The following ASL variants were observed in gnomAD, a reference collection of about 807,000 sequenced individuals.
ASL encodes the protein argininosuccinate lyase.
ASL carries 51 observed loss-of-function variants against 69.1 expected under a neutral mutation model. The observed-to-expected ratio is 0.74, with a 90% CI of 0.59 to 0.93. ASL has a LOEUF of 0.93. Among genes scored for constraint, ASL ranks in the 40% least tolerant of loss-of-function variants. The pLI is 0.00. For missense variants in ASL, 540 were observed against 623.9 expected (o/e 0.87, Z 1.43); for synonymous variants, 241 against 247.6 (o/e 0.97, Z 0.25).
In ASL at chr7:66,092,830, G is replaced by A. The variant is rs1258973382; in HGVS notation, c.1313G>A (p.Gly438Asp). The stretch of plus-strand genomic sequence containing the variant: ...TACGGGCACAGTGTGGAGCAGTATG[G>A]TGCCCTGGGCGGCACTGCGCGCTCC... ...WDYGHSVEQY[G>D]ALGGTARSSV... The change falls in exon 17 of 17, where the codon GGT becomes GAT. Residue 438 changes from glycine (G) to aspartate (D), a missense_variant. Gly to Asp is a moderately conservative substitution (Grantham distance 94). Coordinates refer to ENST00000304874, the MANE Select transcript of ASL (RefSeq NM_000048.4). 2 of 1,613,750 alleles carry A rather than the reference G, an allele frequency of 1.2e-6. No homozygotes were observed. The highest frequency in any genetic ancestry group is 1.7e-6 in the Non-Finnish European group (2 of 1,179,996).
At chr7:66,089,059 A>G (rs753218926) in intron 11 of ASL, 32 bp from the exon 12 acceptor site, 1 of 1,613,076 alleles carries the variant, frequency 6.2e-7, no homozygotes, top group Admixed American at 1.7e-5. Context: ...CCAAGGGTCC[A>G]GCCCCTTCAG....
intron 2 of ASL, among the ~76,000 whole-genome samples, chr7:66,076,460 C>T (rs938111555): frequency 6.6e-6 from 1 of 152,194 alleles, no homozygotes; most frequent in South Asian, 2.1e-4. Context: ...CAGGTCCCAC[C>T]CCACACCACA....
Position 66,081,895 on chromosome 7 carries a change from G to T in ASL, c.105G>T (p.Trp35Cys). ...CCATTGCCTACGACCGGCACCTTTGGGAGGTGGATGTTCAAGGCAGCAAAG... is the reference window on the plus strand; with the variant it reads ...CCATTGCCTACGACCGGCACCTTTGTGAGGTGGATGTTCAAGGCAGCAAAG... ...NASIAYDRHL[W>C]EVDVQGSKAY... The change falls in exon 3 of 17, where the codon TGG (tryptophan) becomes TGT (cysteine). Residue 35 changes from tryptophan (W) to cysteine (C), a missense_variant. Coordinates refer to ENST00000304874, the MANE Select transcript of ASL (RefSeq NM_000048.4). 3 of 1,614,038 alleles carry T rather than the reference G, an allele frequency of 1.9e-6. No individual in the cohort carries two copies. Among genetic ancestry groups the T allele is most frequent in the Non-Finnish European group, 2.5e-6 (3 of 1,180,024 alleles).
intron 8 of ASL, chr7:66,087,122 A>G: frequency 1.5e-6 from 1 of 658,248 alleles, no homozygotes; most frequent in Non-Finnish European, 2.7e-6. Flanking sequence ...GTGCTTGGGG[A>G]CAAGTGTTTT....
At position 66,083,140 on chromosome 7, in the gene ASL, G is replaced by A; in HGVS notation, c.412G>A (p.Glu138Lys). 1 of 1,613,456 alleles carries A rather than the reference G, an allele frequency of 6.2e-7. No homozygotes were observed. Residue 138 changes from glutamate to lysine, a missense_variant, in exon 6 of 17, where the codon GAG becomes AAG. By Grantham distance (56) the Glu-to-Lys change is moderately conservative (BLOSUM62 1). Transcript: ENST00000304874. The stretch of plus-strand genomic sequence containing the variant: ...CTCCACGCTCTCGGGCCTCCTCTGG[G>A]AGCTCATTAGGACCATGGTGGATCG... Reference protein sequence around the residue: ...TCSTLSGLLWELIRTMVDRAE... With the variant: ...TCSTLSGLLWKLIRTMVDRAE...
At chr7:66,076,259 C>G (rs962331198) in intron 2 of ASL, among the ~76,000 whole-genome samples, 166 bp downstream of exon 2, 1 of 152,198 alleles carries the variant, frequency 6.6e-6, no homozygotes, top group Non-Finnish European at 1.5e-5. Flanking sequence ...TCATCTGGAG[C>G]CCAGCAGTCA....
intron 2 of ASL, among the ~76,000 whole-genome samples, chr7:66,080,732 C>T (rs1028750453): frequency 6.6e-5 from 10 of 152,080 alleles, no homozygotes; most frequent in Non-Finnish European, 1.0e-4. Flanking sequence ...TCAAAGAAAA[C>T]GAACAAAACA....
intron 13 of ASL, 128 bp downstream of exon 13, chr7:66,089,463 C>T: frequency 7.0e-7 from 1 of 1,437,456 alleles, no homozygotes; most frequent in South Asian, 1.2e-5. Flanking sequence ...TCCGTGGCTG[C>T]CCTTGAACTC....
intron 6 of ASL, among the ~76,000 whole-genome samples, chr7:66,085,350 C>T (rs1229225729): frequency 6.6e-6 from 1 of 152,062 alleles, no homozygotes; most frequent in African/African-American, 2.4e-5. Context: ...TGATGGTGGG[C>T]ACCTGTAGTC....
At chr7:66,076,847 G>A (rs774138335) in intron 2 of ASL, among the ~76,000 whole-genome samples, 49 of 152,184 alleles carry the variant, frequency 3.2e-4, no homozygotes, top group Non-Finnish European at 3.8e-4. Flanking sequence ...GCTTGATGAA[G>A]GGAACTCCGG....
rs548786563 is a variant in ASL at position 66,089,352 on chromosome 7, G to T, written c.978+17G>T. ...GACTTACAGGTGCGAGGCCGGGGGAGGCCTGGCTAGTACGTGCCAGTTCTC... is the reference window on the plus strand; with the variant it reads ...GACTTACAGGTGCGAGGCCGGGGGATGCCTGGCTAGTACGTGCCAGTTCTC... On this transcript the variant is annotated intron_variant, in intron 13 of 16. Coordinates refer to ENST00000304874, the MANE Select transcript of ASL (RefSeq NM_000048.4). 2 of 1,593,766 alleles carry T rather than the reference G, an allele frequency of 1.3e-6. No homozygotes were observed. Among genetic ancestry groups the T allele is most frequent in the East Asian group, 4.5e-5 (2 of 44,062 alleles).
chr7:66,082,771 G>A (rs747365241), intron 4 of ASL, 109 bp from the exon 5 acceptor site: 94 of 1,346,866 alleles, frequency 7.0e-5, no homozygotes, highest in Non-Finnish European at 8.9e-5. Context: ...AGGACCCGGA[G>A]CCCTGGGGTA....
chr7:66,087,607 A>G, intron 9 of ASL, 122 bp from the exon 10 acceptor site: 5 of 1,069,842 alleles, frequency 4.7e-6, no homozygotes, highest in African/African-American at 1.6e-5. Context: ...GACTGTGCAA[A>G]AGATCCCTCC....
At position 66,081,868 on chromosome 7, in the gene ASL, G is replaced by T. The variant is rs115069006; in HGVS notation, c.78G>T (p.Ala26=). 49 of 1,613,956 alleles carry T rather than the reference G, an allele frequency of 3.0e-5. No homozygotes were observed. Among genetic ancestry groups the T allele is most frequent in the South Asian group, 4.4e-5 (4 of 91,086 alleles). Residue 26 remains alanine (A), a synonymous_variant, in exon 3 of 17, where the codon GCG becomes GCT. Coordinates refer to ENST00000304874, the MANE Select transcript of ASL (RefSeq NM_000048.4). ...ACCCCATCATGGAGAAGTTCAACGCGTCCATTGCCTACGACCGGCACCTTT... is the reference window on the plus strand; with the variant it reads ...ACCCCATCATGGAGAAGTTCAACGCTTCCATTGCCTACGACCGGCACCTTT... ...AVDPIMEKFN[A]SIAYDRHLWE...
Position 66,089,305 on chromosome 7 carries a change from A to T in ASL, c.948A>T (p.Gly316=). Reference sequence around the variant, plus strand: ...CCGGGCTCCTGATGACCCTCAAGGGACTTCCCAGCACCTACAACAAAGACT... The same window carrying T: ...CCGGGCTCCTGATGACCCTCAAGGGTCTTCCCAGCACCTACAACAAAGACT... ...RCAGLLMTLK[G]LPSTYNKDLQ... Residue 316 remains glycine (G), a synonymous_variant, in exon 13 of 17, where the codon GGA becomes GGT. Coordinates refer to ENST00000304874, the MANE Select transcript of ASL (RefSeq NM_000048.4). The T allele has an allele frequency of 1.2e-6, 2 of 1,609,252 alleles. No homozygotes were observed. The highest frequency in any genetic ancestry group is 1.7e-6 in the Non-Finnish European group (2 of 1,177,960).
chr7:66,083,286 G>A (rs1198766117), intron 6 of ASL, 112 bp downstream of exon 6: 2 of 1,179,602 alleles, frequency 1.7e-6, no homozygotes, highest in Admixed American at 4.0e-5. Flanking sequence ...TGGGGGACAG[G>A]GGCATCCCAG....
At chr7:66,089,764 G>T in intron 14 of ASL, 69 bp downstream of exon 14, 1 of 1,550,632 alleles carries the variant, frequency 6.4e-7, no homozygotes, top group South Asian at 1.1e-5. Context: ...CGGGGAGGGT[G>T]GCCTTGGGAG....
At chr7:66,087,883 A>G in intron 10 of ASL, 92 bp downstream of exon 10, 1 of 1,521,098 alleles carries the variant, frequency 6.6e-7, no homozygotes, top group Non-Finnish European at 9.1e-7. Context: ...CTCCACGGAC[A>G]GGCTGGTTGT....
rs769960006 is a variant in ASL at position 66,086,614 on chromosome 7, C to T, written c.476C>T (p.Thr159Ile). The stretch of plus-strand genomic sequence containing the variant: ...CGTGATGTTCTCTTCCCGGGGTACA[C>T]CCATTTGCAGAGGGCCCAGCCCATC... Reference protein sequence around the residue: ...AERDVLFPGYTHLQRAQPIRW... With the variant: ...AERDVLFPGYIHLQRAQPIRW... The change falls in exon 7 of 17, where the codon ACC (threonine) becomes ATC (isoleucine). Residue 159 changes from threonine (T) to isoleucine (I), a missense_variant. Thr to Ile is a moderately conservative substitution (Grantham distance 89). Coordinates refer to ENST00000304874, the MANE Select transcript of ASL (RefSeq NM_000048.4). 1 of 1,613,946 alleles carries T rather than the reference C, an allele frequency of 6.2e-7. No individual in the cohort carries two copies. Among genetic ancestry groups the T allele is most frequent in the East Asian group, 2.2e-5 (1 of 44,876 alleles).
Sources: gnomAD v4.1 joint callset for allele counts (sites outside exome capture counted in the v4.1 genomes callset) on GRCh38, gnomAD v4.1.1 for gene constraint, MANE v1.5 for transcripts, NCBI Gene and HGNC (gene_info 2026-07-23, HGNC 2026-07-21) for gene names.